DSCAM: variants seen among roughly 807,000 people sequenced by gnomAD.
The protein encoded by DSCAM is cell adhesion molecule DSCAM.
A neutral mutation model predicts 217.7 loss-of-function variants in DSCAM; 47 were observed. That is an observed-to-expected ratio of 0.22 (90% CI 0.17 to 0.28). The LOEUF is 0.28. Ranked by LOEUF, DSCAM falls within the 10% of genes least tolerant of loss-of-function variation. The pLI is 1.00. For missense variants in DSCAM, 2,080 were observed against 2,618.3 expected, an observed-to-expected ratio of 0.79 and a Z score of 4.49; for synonymous variants, 1,056 against 1,015.3, an observed-to-expected ratio of 1.04 and a Z score of -0.76.
At chr21:40,194,214 A>C (rs2090983907) in intron 11 of DSCAM, among the ~76,000 whole-genome samples, 1 of 152,164 alleles carries the variant, frequency 6.6e-6, no homozygotes, top group African/African-American at 2.4e-5. Context: ...CTGGTTATTA[A>C]ATTCAGCACT....
In DSCAM at chr21:40,532,047, C is replaced by A. The variant is rs114247171; in HGVS notation, c.508+160763G>T. Among the ~76,000 whole-genome samples, 992 of 152,282 alleles carry A rather than the reference C, an allele frequency of 6.5e-3. 15 individuals are homozygous for A. The highest frequency in any genetic ancestry group is 0.023 in the African/African-American group (949 of 41,566). On this transcript the variant is annotated intron_variant, in intron 3 of 32. Transcript: ENST00000400454. Reference sequence around the variant, plus strand: ...GCAATCTGTTCAAAGTAAATATTTTCAAAAGACTCAAGAGTTCTTACTTTT... The same window carrying A: ...GCAATCTGTTCAAAGTAAATATTTTAAAAAGACTCAAGAGTTCTTACTTTT...
At chr21:40,841,385 C>G (rs1315330785) in intron 1 of DSCAM, among the ~76,000 whole-genome samples, 1 of 152,162 alleles carries the variant, frequency 6.6e-6, no homozygotes, top group African/African-American at 2.4e-5. Flanking sequence ...CCCATAGATT[C>G]GGCAAGGGAA....
chr21:40,285,265 G>A (rs192374973), intron 10 of DSCAM, among the ~76,000 whole-genome samples: 141 of 152,294 alleles, frequency 9.3e-4, no homozygotes, highest in African/African-American at 2.0e-3. Context: ...TCCAGCCACC[G>A]TTTCCCTGGA....
chr21:40,504,643 A>C (rs953675277), intron 3 of DSCAM, among the ~76,000 whole-genome samples: 2 of 152,192 alleles, frequency 1.3e-5, no homozygotes, highest in Admixed American at 1.3e-4. Context: ...AGATGTTAAC[A>C]GCTGTTTAAG....
chr21:40,835,190 G>A (rs1331754904), intron 1 of DSCAM, among the ~76,000 whole-genome samples: 1 of 152,012 alleles, frequency 6.6e-6, no homozygotes, highest in African/African-American at 2.4e-5. Context: ...TTACTCATGA[G>A]TCTAACACAG....
chr21:40,626,318 C>T (rs572500385), intron 3 of DSCAM, among the ~76,000 whole-genome samples: 2 of 152,288 alleles, frequency 1.3e-5, no homozygotes, highest in Admixed American at 1.3e-4. Flanking sequence ...CTTACCTCTA[C>T]TTCCATTTGA....
At chr21:40,819,519 A>G (rs530380428) in intron 1 of DSCAM, among the ~76,000 whole-genome samples, 1 of 152,350 alleles carries the variant, frequency 6.6e-6, no homozygotes, top group South Asian at 2.1e-4. Flanking sequence ...TAAATTTAGG[A>G]ACATAATGCT....
intron 3 of DSCAM, among the ~76,000 whole-genome samples, chr21:40,583,221 G>T (rs990975239): frequency 1.3e-4 from 20 of 152,274 alleles, no homozygotes; most frequent in African/African-American, 4.6e-4. Context: ...GCAACGCAAA[G>T]GTTACCAGGG....
At chr21:40,654,083 A>T (rs1407383616) in intron 3 of DSCAM, among the ~76,000 whole-genome samples, 1 of 145,430 alleles carries the variant, frequency 6.9e-6, no homozygotes, top group Non-Finnish European at 1.5e-5. Flanking sequence ...TGACAGATTG[A>T]GATTCCATCT....
intron 1 of DSCAM, among the ~76,000 whole-genome samples, chr21:40,768,347 G>A (rs1459034590): frequency 6.2e-5 from 9 of 144,326 alleles, no homozygotes; most frequent in Non-Finnish European, 9.0e-5. Context: ...CTGAGGGGCT[G>A]CAGTGTGATA....
intron 20 of DSCAM, among the ~76,000 whole-genome samples, chr21:40,094,085 C>T (rs369648068): frequency 9.9e-5 from 15 of 152,228 alleles, no homozygotes; most frequent in African/African-American, 3.6e-4. Context: ...TTGATGGCCA[C>T]CAATAAATAA....
intron 3 of DSCAM, among the ~76,000 whole-genome samples, chr21:40,372,371 C>T (rs2074907450): frequency 6.6e-6 from 1 of 152,188 alleles, no homozygotes; most frequent in Admixed American, 6.5e-5. Context: ...TTCTGTCTCC[C>T]TTTGTGTGTC....
chr21:40,349,224 C>A (rs1196028093), intron 5 of DSCAM, among the ~76,000 whole-genome samples: 1 of 150,138 alleles, frequency 6.7e-6, no homozygotes, highest in Non-Finnish European at 1.5e-5. Flanking sequence ...TTGCCTTGTC[C>A]CAAGGTGGCA....
chr21:40,370,480 A>C (rs2074884490), intron 3 of DSCAM, among the ~76,000 whole-genome samples: 1 of 152,128 alleles, frequency 6.6e-6, no homozygotes. Context: ...CCTTTAGTTT[A>C]TTTCAGTCAG....
intron 3 of DSCAM, among the ~76,000 whole-genome samples, chr21:40,544,060 A>G (rs1211995760): frequency 6.6e-6 from 1 of 152,114 alleles, no homozygotes; most frequent in Non-Finnish European, 1.5e-5. Flanking sequence ...CCAAGAGGAT[A>G]CCTGGAAGTG....
intron 19 of DSCAM, among the ~76,000 whole-genome samples, chr21:40,124,780 A>C (rs999772214): frequency 6.6e-6 from 1 of 152,136 alleles, no homozygotes; most frequent in Non-Finnish European, 1.5e-5. Flanking sequence ...TGGCCTCCAG[A>C]ACTCAGAGAC....
rs2090533504 is a variant in DSCAM at position 40,691,111 on chromosome 21, A to C, written c.508+1699T>G. On this transcript the variant is annotated intron_variant, in intron 3 of 32. Transcript: ENST00000400454. ...AAAGTTAAAAAAATCCTCCTGGTAG[A>C]TATTTCAATTTCTCACCCAGATTTC... 2.0e-5 allele frequency among the ~76,000 whole-genome samples: 3 copies of C among 152,260 alleles called. No individual in the cohort carries two copies. In the South Asian group the frequency reaches 6.2e-4, roughly 32 times the overall value.
chr21:40,391,270 T>A (rs1171570732), intron 3 of DSCAM, among the ~76,000 whole-genome samples: 1 of 152,198 alleles, frequency 6.6e-6, no homozygotes, highest in Admixed American at 6.5e-5. Flanking sequence ...TGGCTTTAAA[T>A]AAGAAGCCAA....
chr21:40,285,064 A>T (rs2073808444), intron 10 of DSCAM, among the ~76,000 whole-genome samples: 3 of 151,840 alleles, frequency 2.0e-5, no homozygotes, highest in African/African-American at 7.2e-5. Context: ...CTTTTTTTTT[A>T]AATCAGCCAG....
Sources: allele counts gnomAD v4.1 joint callset (sites outside exome capture counted in the v4.1 genomes callset), GRCh38; gene constraint gnomAD v4.1.1; transcripts MANE v1.5; gene names NCBI Gene and HGNC (gene_info 2026-07-23, HGNC 2026-07-21).